The following SMOC2 variants were observed in gnomAD, a reference collection of about 807,000 sequenced individuals.
The protein encoded by SMOC2 is SPARC-related modular calcium-binding protein 2.
A neutral mutation model predicts 61.4 loss-of-function variants in SMOC2; 39 were observed. The ratio of observed to expected loss-of-function variants is 0.64; its 90% CI spans 0.49 to 0.83. SMOC2 has a LOEUF of 0.83. SMOC2 is among the 40% of genes least tolerant of loss of function. The pLI is 0.00. For synonymous variants in SMOC2, 247 were observed against 239.9 expected, an observed-to-expected ratio of 1.03 and a Z score of -0.27; for missense variants, 556 against 592.9, an observed-to-expected ratio of 0.94 and a Z score of 0.65.
chr6:168,521,008 C>A (rs967764897), intron 2 of SMOC2, among the ~76,000 whole-genome samples: 3 of 152,202 alleles, frequency 2.0e-5, no homozygotes, highest in Non-Finnish European at 4.4e-5. Context: ...CTTGCCTAAT[C>A]CTGTTTTGAG....
intron 1 of SMOC2, among the ~76,000 whole-genome samples, chr6:168,498,595 TC>T (rs1367084846): frequency 6.6e-6 from 1 of 152,262 alleles, no homozygotes; most frequent in Non-Finnish European, 1.5e-5. Flanking sequence ...TGATCGCCCT[TC>T]CTGCTGCAGG....
intron 11 of SMOC2, among the ~76,000 whole-genome samples, chr6:168,653,516 T>C (rs761709563): frequency 1.4e-4 from 21 of 152,212 alleles, no homozygotes; most frequent in Non-Finnish European, 2.5e-4. Flanking sequence ...CCAGAATGGA[T>C]TGTCTTCTGG....
At chr6:168,616,547 ATGGCACCACT>A (rs1397022147) in intron 9 of SMOC2, among the ~76,000 whole-genome samples, 1 of 152,228 alleles carries the variant, frequency 6.6e-6, no homozygotes, top group African/African-American at 2.4e-5. Flanking sequence ...ACCGTTCCAC[ATGGCACCACT>A]TGGAAGAGAG....
intron 9 of SMOC2, among the ~76,000 whole-genome samples, chr6:168,644,466 T>G (rs576142744): frequency 8.0e-4 from 121 of 152,158 alleles, no homozygotes; most frequent in East Asian, 6.0e-3. Flanking sequence ...GAAAAGAGCT[T>G]TTTCTACCAG....
intron 7 of SMOC2, among the ~76,000 whole-genome samples, chr6:168,557,428 C>T (rs1784275709): frequency 6.6e-6 from 1 of 152,172 alleles, no homozygotes; most frequent in Non-Finnish European, 1.5e-5. Flanking sequence ...AATATTCAAT[C>T]ACACTGTGGT....
chr6:168,459,745 G>A (rs1781678455), intron 1 of SMOC2, among the ~76,000 whole-genome samples: 2 of 144,694 alleles, frequency 1.4e-5, no homozygotes, highest in Non-Finnish European at 3.0e-5. Context: ...GGTGGGCCTT[G>A]TGGTGGGTGA....
rs9456128 is a variant in SMOC2, at chr6:168,490,412, C to T, written c.85-19503C>T. ...GTGTCTCGTCAAGGCGCGCAGCATA[C>T]AAGGCATTGTCACACCAGGTGGGCT... is the stretch of plus-strand genomic sequence containing the variant. On this transcript the variant is annotated intron_variant, in intron 1 of 12. Transcript: ENST00000356284. Among the ~76,000 whole-genome samples the T allele has an allele frequency of 9.1e-3, 1,393 of 152,280 alleles. 23 individuals carry two copies. Among genetic ancestry groups the T allele is most frequent in the African/African-American group, 0.032 (1,331 of 41,566 alleles).
At chr6:168,600,148 G>A (rs1416215664) in intron 8 of SMOC2, among the ~76,000 whole-genome samples, 1 of 152,126 alleles carries the variant, frequency 6.6e-6, no homozygotes, top group African/African-American at 2.4e-5. Flanking sequence ...GTTCACGCCT[G>A]TAATCCCAGA....
intron 12 of SMOC2, chr6:168,664,493 C>T: frequency 2.5e-6 from 1 of 405,406 alleles, no homozygotes; most frequent in Admixed American, 3.6e-5. Context: ...GGATTACAGG[C>T]ATGCGCCACC....
rs1030590887 is a variant in SMOC2, at chr6:168,474,221, C to T, written c.84+32767C>T. Among the ~76,000 whole-genome samples, 10 of 152,086 alleles carry T rather than the reference C, an allele frequency of 6.6e-5. 1 individual carries two copies. Among genetic ancestry groups the T allele is most frequent in the African/African-American group, 1.9e-4 (8 of 41,422 alleles). On this transcript the variant is annotated intron_variant, in intron 1 of 12. Coordinates refer to ENST00000356284, the MANE Select transcript of SMOC2 (RefSeq NM_001166412.2). ...TTCCTACAGCTCGCAGGTTCCTGCACGTTTTATGGGGGAGGCCAATACTGA... is the reference window on the plus strand; with the variant it reads ...TTCCTACAGCTCGCAGGTTCCTGCATGTTTTATGGGGGAGGCCAATACTGA...
intron 7 of SMOC2, among the ~76,000 whole-genome samples, chr6:168,573,790 G>T (rs1025684312): frequency 6.6e-6 from 1 of 152,150 alleles, no homozygotes; most frequent in African/African-American, 2.4e-5. Context: ...TGCCCCCGAC[G>T]TGGGGGCCCA....
intron 1 of SMOC2, among the ~76,000 whole-genome samples, chr6:168,490,720 C>A (rs1377533774): frequency 2.0e-5 from 3 of 152,210 alleles, no homozygotes; most frequent in Non-Finnish European, 2.9e-5. Context: ...GGGCTCAGGG[C>A]TCCTTGGAAC....
intron 9 of SMOC2, among the ~76,000 whole-genome samples, chr6:168,644,644 C>CTTTTTTTTT (rs34203137): frequency 3.0e-5 from 3 of 99,490 alleles, no homozygotes; most frequent in Admixed American, 1.3e-4. Context: ...GAATGCCTTT[C>CTTTTTTTTT]TTTTTTTTTT....
chr6:168,666,737 G>A lies in SMOC2; in HGVS notation c.*299G>A. ...TTTCTTCGCCTTCCACATGTTAACA[G>A]TAGAGCTCTATGCACTCCGGCTGCA... On this transcript the variant is annotated 3_prime_UTR_variant, in exon 13 of 13. Transcript: ENST00000356284. 6 of 435,944 alleles carry A rather than the reference G, an allele frequency of 1.4e-5. No individual in the cohort carries two copies. The South Asian group carries it at 1.8e-4, about 13-fold the overall frequency. 27.0% of individuals were successfully genotyped at this position (435,944 alleles called of 1,614,324 possible). A position where few individuals can be genotyped will look rare whatever the true frequency, so the allele number is the denominator to read the frequency against.
intron 1 of SMOC2, among the ~76,000 whole-genome samples, chr6:168,504,176 G>A (rs1782808361): frequency 6.6e-6 from 1 of 152,024 alleles, no homozygotes; most frequent in African/African-American, 2.4e-5. Flanking sequence ...GGGTTCCTTA[G>A]ATGGGCGGTC....
intron 4 of SMOC2, among the ~76,000 whole-genome samples, chr6:168,537,226 T>C (rs114481237): frequency 1.6e-4 from 24 of 150,898 alleles, no homozygotes; most frequent in African/African-American, 5.2e-4. Flanking sequence ...CGGTCCTATT[T>C]AGAGAGAGCA....
chr6:168,457,250 C>T (rs12524372), intron 1 of SMOC2, among the ~76,000 whole-genome samples: 32,023 of 152,108 alleles, frequency 0.21, 4,414 homozygotes, highest in East Asian at 0.45. Flanking sequence ...GTGCAGCTTC[C>T]AGTGAGTGCC....
At chr6:168,473,803 C>G (rs1782019749) in intron 1 of SMOC2, among the ~76,000 whole-genome samples, 1 of 152,038 alleles carries the variant, frequency 6.6e-6, no homozygotes, top group South Asian at 2.1e-4. Context: ...ACTCCTTTGG[C>G]ACTAGTGTCT....
intron 1 of SMOC2, among the ~76,000 whole-genome samples, chr6:168,497,484 G>A (rs1044282348): frequency 6.8e-6 from 1 of 147,872 alleles, no homozygotes; most frequent in Non-Finnish European, 1.5e-5. Context: ...GGATGGAGGT[G>A]GGGGTCTTCT....
Sources: allele counts gnomAD v4.1 joint callset (sites outside exome capture counted in the v4.1 genomes callset), GRCh38; gene constraint gnomAD v4.1.1; transcripts MANE v1.5; gene names NCBI Gene and HGNC (gene_info 2026-07-23, HGNC 2026-07-21).